The following MAGEB16 variants were observed in gnomAD, a reference collection of about 807,000 sequenced individuals.
The protein encoded by MAGEB16 is MAGE family member B16.
For synonymous variants in MAGEB16, 95 were observed against 92.1 expected (o/e 1.03, Z -0.18); for missense variants, 217 against 234.0 (o/e 0.93, Z 0.47).
intron 1 of MAGEB16, among the ~76,000 whole-genome samples, chrX:35,801,019 G>A (rs1017493745): frequency 1.8e-5 from 2 of 111,374 alleles, no homozygotes; most frequent in Non-Finnish European, 3.8e-5. Flanking sequence ...AAAGAGCCCT[G>A]ATAACTTTTT....
chrX:35,798,722 G>T (rs1162479287), intron 1 of MAGEB16: 2 of 112,033 alleles, frequency 1.8e-5, no homozygotes, highest in African/African-American at 6.5e-5. Context: ...TGCAAGGCTT[G>T]GGGGCAAGGG....
exon 2 of MAGEB16, chrX:35,803,149 A>G (rs867349405): frequency 8.5e-7 from 1 of 1,181,209 alleles, no homozygotes; most frequent in African/African-American, 1.8e-5. Context: ...GAGGAAGAAG[A>G]GAGAGCTAGA....
At chrX:35,802,166 C>T in exon 2 of MAGEB16, 7 of 1,209,874 alleles carry the variant, frequency 5.8e-6, no homozygotes, top group Non-Finnish European at 7.8e-6. Flanking sequence ...CCTGTCCACA[C>T]TCCTGCCTAC....
chrX:35,802,770 G>A, exon 2 of MAGEB16: 1 of 1,211,425 alleles, frequency 8.3e-7, no homozygotes, highest in Non-Finnish European at 1.1e-6. Context: ...CACCTATGAT[G>A]GGATGCTGAG....
At chrX:35,802,234 A>T (rs200086624) in exon 2 of MAGEB16, 4 of 1,211,429 alleles carry the variant, frequency 3.3e-6, no homozygotes, top group South Asian at 3.5e-5. Context: ...TGCACACATG[A>T]TCAGCACCTT....
chrX:35,803,604 T>C (rs1423388341), exon 2 of MAGEB16: 1 of 128,327 alleles, frequency 7.8e-6, no homozygotes, highest in African/African-American at 3.2e-5. Flanking sequence ...AACTCTGCTT[T>C]TAAATATCCG....
Position 35,800,562 on chromosome X carries a change from A to T in MAGEB16, c.-66-1569A>T, listed in dbSNP as rs1021285222. The T allele has an allele frequency of 9.5e-6, 5 of 525,587 alleles. No homozygotes were observed. The Admixed American group carries it at 1.3e-4, about 14-fold the overall frequency. The allele number at this position is 525,587 out of a possible 1,213,427, so 43.3% of individuals were successfully genotyped here. A position where few individuals can be genotyped will look rare whatever the true frequency, so the allele number is the denominator to read the frequency against. ...AGATGGGGACTGAAGCCCAACCAGT[A>T]GTCAAAGTAAGGACCCTGAGTGAGG... On this transcript the variant is annotated intron_variant, in intron 1 of 1. Transcript: ENST00000399988.
intron 1 of MAGEB16, chrX:35,800,417 A>G (rs1235281363): frequency 2.0e-6 from 1 of 500,409 alleles, no homozygotes; most frequent in Non-Finnish European, 3.6e-6. Flanking sequence ...CATAAGGGGT[A>G]CCGAGAGGTT....
exon 2 of MAGEB16, chrX:35,803,108 T>G (rs373965064): frequency 6.6e-6 from 8 of 1,205,628 alleles, no homozygotes; most frequent in Non-Finnish European, 7.8e-6. Context: ...ACCCACATTC[T>G]TTCCCATCTC....
chrX:35,802,181 A>G (rs1229706567), exon 2 of MAGEB16: 1 of 1,210,766 alleles, frequency 8.3e-7, no homozygotes, highest in East Asian at 3.0e-5. Context: ...GCCTACTGCC[A>G]CCCACAAGGG....
At chrX:35,802,429 C>T (rs915484650) in exon 2 of MAGEB16, 9 of 1,207,355 alleles carry the variant, frequency 7.5e-6, no homozygotes, top group Middle Eastern at 2.3e-4. Context: ...GTCACAACCA[C>T]CTCATCAAGT....
exon 2 of MAGEB16, chrX:35,802,513 G>A: frequency 8.3e-7 from 1 of 1,211,458 alleles, no homozygotes; most frequent in Non-Finnish European, 1.1e-6. Flanking sequence ...TCAGACCCCA[G>A]GAATGTGCCC....
At chrX:35,801,844 C>T (rs746726120) in intron 1 of MAGEB16, among the ~76,000 whole-genome samples, 2 of 112,653 alleles carry the variant, frequency 1.8e-5, no homozygotes, top group East Asian at 5.7e-4. Flanking sequence ...CACTTCTGGC[C>T]ATCAACTGAT....
intron 1 of MAGEB16, chrX:35,800,379 C>T: frequency 6.7e-6 from 3 of 450,694 alleles, no homozygotes; most frequent in Non-Finnish European, 1.2e-5. Flanking sequence ...GTCTGAATAG[C>T]AGCCTCAAGT....
At chrX:35,802,502 A>G (rs1934872756) in exon 2 of MAGEB16, 1 of 1,211,272 alleles carries the variant, frequency 8.3e-7, no homozygotes, top group East Asian at 3.0e-5. Flanking sequence ...CAGAGGATAC[A>G]TCAGACCCCA....
At chrX:35,802,812 C>T in exon 2 of MAGEB16, 1 of 1,211,693 alleles carries the variant, frequency 8.3e-7, no homozygotes, top group Non-Finnish European at 1.1e-6. Context: ...GACTGGCCTC[C>T]TGATAATTGT....
chrX:35,803,204 G>C, exon 2 of MAGEB16: 1 of 1,111,597 alleles, frequency 9.0e-7, no homozygotes, highest in Non-Finnish European at 1.2e-6. Flanking sequence ...CAGCCACTGT[G>C]AGTTCCAGTG....
At chrX:35,800,347 G>T (rs1353709996) in intron 1 of MAGEB16, among the ~76,000 whole-genome samples, 1 of 111,126 alleles carries the variant, frequency 9.0e-6, no homozygotes, top group Non-Finnish European at 1.9e-5. Context: ...ATCTTCAGGG[G>T]TCTCAGGAAG....
At chrX:35,803,517 G>A in exon 2 of MAGEB16, 1 of 166,980 alleles carries the variant, frequency 6.0e-6, no homozygotes, top group East Asian at 1.5e-4. Context: ...AGTGGCATAT[G>A]TTTTGCTGAT....
Sources: gnomAD v4.1 joint callset for allele counts (sites outside exome capture counted in the v4.1 genomes callset) on GRCh38, gnomAD v4.1.1 for gene constraint, MANE v1.5 for transcripts, NCBI Gene and HGNC (gene_info 2026-07-23, HGNC 2026-07-21) for gene names.